Variants in DHRSX observed in about 807,000 individuals in gnomAD.
DHRSX encodes the protein polyprenol dehydrogenase.
Under a neutral mutation model 34.0 loss-of-function variants are expected in DHRSX, and 31 were observed. The observed-to-expected ratio is 0.91, with a 90% CI of 0.69 to 1.23. The LOEUF is 1.23. Ranked by LOEUF, DHRSX falls within the 50% of genes most tolerant of loss-of-function variation. DHRSX has a pLI of 0.00. For synonymous variants in DHRSX, 201 were observed against 183.8 expected (o/e 1.09, Z -0.76); for missense variants, 414 against 428.1 (o/e 0.97, Z 0.29).
chrX:2,248,857 G>A (rs1356116493), intron 5 of DHRSX, among the ~76,000 whole-genome samples: 2 of 152,058 alleles, frequency 1.3e-5, no homozygotes, highest in African/African-American at 2.4e-5. Flanking sequence ...ATTCCTACAC[G>A]GATTTCGTTC....
intron 3 of DHRSX, among the ~76,000 whole-genome samples, chrX:2,312,609 C>CA (rs1378875890): frequency 6.6e-6 from 1 of 151,946 alleles, no homozygotes; most frequent in African/African-American, 2.4e-5. Flanking sequence ...AGCATTAGGA[C>CA]AAATACCTAA....
At chrX:2,440,037 T>C (rs1220082656) in intron 1 of DHRSX, among the ~76,000 whole-genome samples, 1 of 152,154 alleles carries the variant, frequency 6.6e-6, no homozygotes, top group Non-Finnish European at 1.5e-5. Flanking sequence ...AATTCAGCAT[T>C]GAGTCACTGA....
At chrX:2,260,383 A>G (rs1021114167) in intron 5 of DHRSX, among the ~76,000 whole-genome samples, 1 of 151,124 alleles carries the variant, frequency 6.6e-6, no homozygotes, top group African/African-American at 2.4e-5. Context: ...GTGTGGCCGC[A>G]TCACTCCAGT....
chrX:2,439,017 C>T (rs548836242), intron 1 of DHRSX, among the ~76,000 whole-genome samples: 8 of 151,808 alleles, frequency 5.3e-5, no homozygotes, highest in African/African-American at 9.7e-5. Context: ...TGGTGGCTGG[C>T]GCCTGTAGTC....
In DHRSX at chrX:2,437,694, AGAGAGTGTGTGTGTGT is replaced by A. The variant is rs1346995904; in HGVS notation, c.110-12406_110-12391del. On this transcript the variant is annotated intron_variant, in intron 1 of 6. Transcript: ENST00000334651. ...GACAGAGAGAGAGAGAGAGAGAGAG[AGAGAGTGTGTGTGTGT>A]GTGTGTGTGTGTGTGTGTGTGTGTC... is the stretch of plus-strand genomic sequence containing the variant. Among the ~76,000 whole-genome samples, 591 of 69,256 alleles carry A rather than the reference AGAGAGTGTGTGTGTGT, an allele frequency of 8.5e-3. 3 individuals carry two copies. The highest frequency in any genetic ancestry group is 0.045 in the African/African-American group (536 of 11,958). The allele number at this position is 69,256 out of a possible 152,430, so 45.4% of individuals were successfully genotyped here.
At chrX:2,416,892 T>TA (rs200695466) in intron 2 of DHRSX, among the ~76,000 whole-genome samples, 124,019 of 152,030 alleles carry the variant, frequency 0.82, 51,396 homozygotes, top group African/African-American at 0.95. Context: ...TGAAGTTAAA[T>TA]TTCCCATCTC....
chrX:2,287,951 C>T (rs2041824266), intron 4 of DHRSX, among the ~76,000 whole-genome samples: 1 of 152,092 alleles, frequency 6.6e-6, no homozygotes, highest in Non-Finnish European at 1.5e-5. Context: ...ATGTCCATGT[C>T]CTCATCTCTG....
At chrX:2,336,602 T>A (rs903288331) in intron 3 of DHRSX, among the ~76,000 whole-genome samples, 2 of 144,406 alleles carry the variant, frequency 1.4e-5, no homozygotes, top group African/African-American at 5.1e-5. Flanking sequence ...GTTTTTTGTT[T>A]TGTTTTTTTT....
At chrX:2,498,558 G>A (rs757819699) in intron 1 of DHRSX, among the ~76,000 whole-genome samples, 71 of 149,442 alleles carry the variant, frequency 4.8e-4, no homozygotes, top group African/African-American at 1.6e-3. Flanking sequence ...TCCCTTGGCA[G>A]ACACGTGACT....
chrX:2,306,406 C>G (rs73185782), intron 3 of DHRSX, among the ~76,000 whole-genome samples: 51,364 of 151,466 alleles, frequency 0.34, 10,334 homozygotes, highest in Middle Eastern at 0.48. Flanking sequence ...AGAAAAATCT[C>G]TTTGGACAAA....
intron 1 of DHRSX, among the ~76,000 whole-genome samples, chrX:2,450,032 C>T (rs1370551731): frequency 1.3e-5 from 2 of 152,024 alleles, no homozygotes; most frequent in Non-Finnish European, 2.9e-5. Context: ...TGACGAAAAC[C>T]TCACATGCGT....
At chrX:2,384,195 G>C (rs913864667) in intron 3 of DHRSX, among the ~76,000 whole-genome samples, 6 of 152,342 alleles carry the variant, frequency 3.9e-5, no homozygotes, top group African/African-American at 1.4e-4. Context: ...CCAAGGTGGA[G>C]AAAAGCATCT....
intron 3 of DHRSX, among the ~76,000 whole-genome samples, chrX:2,348,418 C>CG (rs1335630525): frequency 1.3e-5 from 2 of 152,210 alleles, no homozygotes; most frequent in Non-Finnish European, 2.9e-5. Context: ...GTCAGTCCCT[C>CG]GCAGCCAGAA....
At chrX:2,294,598 G>A (rs762787182) in intron 3 of DHRSX, among the ~76,000 whole-genome samples, 2 of 151,704 alleles carry the variant, frequency 1.3e-5, no homozygotes, top group South Asian at 4.2e-4. Flanking sequence ...CTGGGAGGTG[G>A]AGGTTGCAGT....
rs190765397 is a variant in DHRSX at position 2,288,514 on chromosome X, C to T, written c.388+2988G>A. On this transcript the variant is annotated intron_variant, in intron 4 of 6. Transcript: ENST00000334651. ...CCTCCCAAAGTGCTGAGGTTACAGG[C>T]GTGAGCCACTATCATTGCTGGCTTT... Among the ~76,000 whole-genome samples, 6 of 152,276 alleles carry T rather than the reference C, an allele frequency of 3.9e-5. No homozygotes were observed. In the East Asian group the frequency reaches 5.8e-4, roughly 15 times the overall value.
At chrX:2,315,503 T>C (rs1230999768) in intron 3 of DHRSX, among the ~76,000 whole-genome samples, 1 of 152,168 alleles carries the variant, frequency 6.6e-6, no homozygotes, top group Non-Finnish European at 1.5e-5. Context: ...CATTTGGGTA[T>C]ACATAGCAGC....
intron 3 of DHRSX, among the ~76,000 whole-genome samples, chrX:2,349,532 C>A (rs145162259): frequency 1.7e-4 from 25 of 151,196 alleles, no homozygotes; most frequent in Middle Eastern, 3.4e-3. Flanking sequence ...CTAAGAAGTA[C>A]AAAAATTAGC....
intron 3 of DHRSX, among the ~76,000 whole-genome samples, chrX:2,361,078 C>T (rs866143935): frequency 2.4e-4 from 37 of 152,198 alleles, no homozygotes; most frequent in Non-Finnish European, 1.0e-4. Context: ...GAAAATGGAA[C>T]ATTTCAAGAG....
At position 2,477,528 on chromosome X, in the gene DHRSX, G is replaced by C. The variant is rs150817627; in HGVS notation, c.109+23289C>G. ...TCACAGGTGGAAACAGTTTATCTGT[G>C]AGTTTAAAACCAGGTGGATCAAGAA... On this transcript the variant is annotated intron_variant, in intron 1 of 6. Coordinates refer to ENST00000334651, the MANE Select transcript of DHRSX (RefSeq NM_145177.3). Among the ~76,000 whole-genome samples the C allele has an allele frequency of 5.3e-3, 812 of 152,316 alleles. 6 individuals carry two copies. The highest frequency in any genetic ancestry group is 0.018 in the African/African-American group (748 of 41,568).
Sources: allele counts gnomAD v4.1 joint callset (sites outside exome capture counted in the v4.1 genomes callset), GRCh38; gene constraint gnomAD v4.1.1; transcripts MANE v1.5; gene names NCBI Gene and HGNC (gene_info 2026-07-23, HGNC 2026-07-21).